Variants in NEB observed in about 807,000 individuals in gnomAD.
NEB encodes nebulin, also known as nemaline myopathy type 2.
In NEB, 512 loss-of-function variants were observed where a neutral mutation model predicts 952.2. The ratio of observed to expected loss-of-function variants is 0.54; its 90% CI spans 0.50 to 0.58. NEB has a LOEUF of 0.58. Among genes scored for constraint, NEB ranks in the 20% least tolerant of loss-of-function variants. NEB has a pLI of 0.00. For missense variants in NEB, 8,428 were observed against 9,231.1 expected (o/e 0.91, Z 3.56); for synonymous variants, 2,900 against 3,149.8 (o/e 0.92, Z 2.66).
intron 39 of NEB, 73 bp from the exon 40 acceptor site, chr2:151,667,984 T>C: frequency 1.7e-6 from 2 of 1,206,224 alleles, no homozygotes; most frequent in Non-Finnish European, 2.4e-6. Flanking sequence ...CCAAAATGTT[T>C]CTTATAAAAC....
chr2:151,508,340 T>G (rs2070996704), intron 161 of NEB, among the ~76,000 whole-genome samples: 1 of 152,196 alleles, frequency 6.6e-6, no homozygotes, highest in South Asian at 2.1e-4. Flanking sequence ...CAGTAGGACC[T>G]ATTGTCATGG....
chr2:151,606,941 G>T (rs1402042116), intron 83 of NEB, among the ~76,000 whole-genome samples: 2 of 83,828 alleles, frequency 2.4e-5, no homozygotes, highest in African/African-American at 5.8e-5. Flanking sequence ...TTGAATATTT[G>T]CATCCATCAC....
At position 151,686,888 on chromosome 2, in the gene NEB, A is replaced by G. The variant is rs544299391; in HGVS notation, c.2637+531T>C. On this transcript the variant is annotated intron_variant, in intron 27 of 181. Transcript: ENST00000397345. ...ATGAGTTCACCAAAATTCAGGCAAA[A>G]GGCATGAAAAGAAATGTTCATTTTC... Among the ~76,000 whole-genome samples, 6 of 152,274 alleles carry G rather than the reference A, an allele frequency of 3.9e-5. No homozygotes were observed. In the South Asian group the frequency reaches 1.2e-3, roughly 32 times the overall value.
intron 161 of NEB, 122 bp downstream of exon 161, chr2:151,512,611 G>T: frequency 1.3e-6 from 1 of 789,566 alleles, no homozygotes; most frequent in Non-Finnish European, 2.1e-6. Flanking sequence ...ACTGCACCTG[G>T]TGAATCTCTT....
intron 4 of NEB, among the ~76,000 whole-genome samples, chr2:151,728,279 CTT>C (rs1330332949): frequency 4.6e-5 from 7 of 152,102 alleles, no homozygotes; most frequent in Non-Finnish European, 1.0e-4. Flanking sequence ...TAAAAGCAAA[CTT>C]GAGTTCGGGG....
chr2:151,557,399 C>G (rs866105138), intron 124 of NEB, among the ~76,000 whole-genome samples: 6 of 152,092 alleles, frequency 3.9e-5, no homozygotes, highest in Admixed American at 3.3e-4. Context: ...CAAAAAAAGT[C>G]CAGGACCAGA....
At chr2:151,660,592 C>A (rs556708670) in intron 46 of NEB, among the ~76,000 whole-genome samples, 2 of 152,274 alleles carry the variant, frequency 1.3e-5, no homozygotes, top group African/African-American at 2.4e-5. Context: ...ATAAGAATAA[C>A]CTTTTTCTGG....
intron 32 of NEB, 81 bp from the exon 33 acceptor site, chr2:151,678,268 T>C (rs2099387695): frequency 1.4e-5 from 12 of 866,008 alleles, no homozygotes; most frequent in Admixed American, 2.9e-5. Flanking sequence ...TTTGAAGTAA[T>C]TGAGCTTCCC....
intron 74 of NEB, 79 bp downstream of exon 74, chr2:151,618,196 A>T: frequency 7.8e-7 from 1 of 1,287,742 alleles, no homozygotes; most frequent in South Asian, 1.2e-5. Flanking sequence ...TATTATCTTT[A>T]AAATGCAATA....
At chr2:151,615,865 A>T (rs2098176796) in intron 76 of NEB, 137 bp downstream of exon 76, 2 of 681,096 alleles carry the variant, frequency 2.9e-6, no homozygotes, top group African/African-American at 1.9e-5. Flanking sequence ...TTCCATTTAC[A>T]ATTTTGTATA....
intron 178 of NEB, 131 bp from the exon 179 acceptor site, chr2:151,491,906 CTT>C: frequency 2.0e-6 from 2 of 982,826 alleles, no homozygotes; most frequent in Non-Finnish European, 3.0e-6. Flanking sequence ...TGGGTCATGT[CTT>C]TTCCTCAGAG....
In NEB at chr2:151,627,092, G is replaced by A. The variant is rs745900657; in HGVS notation, c.10257C>T (p.Tyr3419=). 1.9e-5 allele frequency: 30 copies of A among 1,613,806 alleles called. 1 individual carries two copies. In the Middle Eastern group the frequency reaches 8.2e-4, roughly 44 times the overall value. ...RAAEILSDNI[Y]RQPPDKLKFT... is the part of the protein sequence containing the mutation. The stretch of plus-strand genomic sequence containing the variant: ...ATTTCAGCTTGTCCGGAGGCTGGCG[G>A]TAGATGTTATCACTCAGTATTTCAG... Residue 3419 remains tyrosine, a synonymous_variant, in exon 70 of 182, where the codon TAC becomes TAT. Transcript: ENST00000397345.
At chr2:151,630,629 C>T in intron 67 of NEB, 86 bp downstream of exon 67, 1 of 1,053,202 alleles carries the variant, frequency 9.5e-7, no homozygotes, top group Non-Finnish European at 1.4e-6. Context: ...GCCACATGCA[C>T]CATGACAGCT....
chr2:151,626,600 G>A (rs190308758), intron 70 of NEB, among the ~76,000 whole-genome samples: 12 of 151,378 alleles, frequency 7.9e-5, no homozygotes, highest in African/African-American at 2.9e-4. Context: ...GCAGTGGCGC[G>A]ATCTCAGCTC....
At chr2:151,725,978 A>G (rs2099789387) in intron 5 of NEB, among the ~76,000 whole-genome samples, 1 of 152,260 alleles carries the variant, frequency 6.6e-6, no homozygotes, top group African/African-American at 2.4e-5. Flanking sequence ...AGTAGTTCAG[A>G]TAGCTGAGAC....
intron 179 of NEB, 57 bp downstream of exon 179, chr2:151,491,626 G>T: frequency 7.4e-7 from 1 of 1,358,416 alleles, no homozygotes; most frequent in Non-Finnish European, 1.0e-6. Flanking sequence ...GAAAGTCATT[G>T]ACTCTAGCAT....
chr2:151,713,572 G>T (rs1169786594), intron 10 of NEB, among the ~76,000 whole-genome samples: 1 of 152,256 alleles, frequency 6.6e-6, no homozygotes, highest in East Asian at 1.9e-4. Flanking sequence ...GGTATCAGTG[G>T]GAAATTCCAA....
intron 72 of NEB, among the ~76,000 whole-genome samples, chr2:151,620,337 G>T (rs865813288): frequency 1.9e-5 from 1 of 52,748 alleles, no homozygotes; most frequent in Non-Finnish European, 3.4e-5. Flanking sequence ...ATATATATAT[G>T]TATGTGTGTG....
chr2:151,500,593 CTTTTTTTT>C (rs11428843), intron 168 of NEB, among the ~76,000 whole-genome samples: 30 of 118,458 alleles, frequency 2.5e-4, no homozygotes, highest in Non-Finnish European at 4.1e-4. Context: ...TTCTTTCTTC[CTTTTTTTT>C]TTTTTTTTTT....
Sources: allele counts gnomAD v4.1 joint callset (sites outside exome capture counted in the v4.1 genomes callset), GRCh38; gene constraint gnomAD v4.1.1; transcripts MANE v1.5; gene names NCBI Gene and HGNC (gene_info 2026-07-23, HGNC 2026-07-21).